The following ROBO2 variants were observed in gnomAD, a reference collection of about 807,000 sequenced individuals.
ROBO2 encodes the protein roundabout homolog 2.
ROBO2 carries 53 observed loss-of-function variants against 160.8 expected under a neutral mutation model. The observed-to-expected ratio is 0.33, with a 90% CI of 0.26 to 0.41. The LOEUF (loss-of-function observed/expected upper bound fraction) is 0.41, where lower values mean the gene tolerates loss of function less well. Among genes scored for constraint, ROBO2 ranks in the 10% least tolerant of loss-of-function variants. The pLI is 1.00. For missense variants in ROBO2, 1,577 were observed against 1,722.4 expected, an observed-to-expected ratio of 0.92 and a Z score of 1.49; for synonymous variants, 664 against 611.7, an observed-to-expected ratio of 1.09 and a Z score of -1.26.
intron 2 of ROBO2, among the ~76,000 whole-genome samples, chr3:76,372,458 G>C (rs566281842): frequency 2.6e-5 from 4 of 151,802 alleles, no homozygotes; most frequent in Non-Finnish European, 5.9e-5. Flanking sequence ...TTAACCTTTT[G>C]TTTGAAAATA....
At chr3:76,088,408 C>T (rs148211862) in intron 2 of ROBO2, among the ~76,000 whole-genome samples, 282 of 152,034 alleles carry the variant, frequency 1.9e-3, no homozygotes, top group African/African-American at 6.3e-3. Flanking sequence ...CTGACAATAG[C>T]GTATTACACA....
chr3:76,654,913 G>GTGTGTATATATATATATATA (rs536883164), intron 2 of ROBO2, among the ~76,000 whole-genome samples: 2 of 74,186 alleles, frequency 2.7e-5, no homozygotes, highest in African/African-American at 9.7e-5. Context: ...ATATGTGTGT[G>GTGTGTATATATATATATATA]TATATATATA....
At chr3:76,575,345 T>G (rs1338150499) in intron 2 of ROBO2, among the ~76,000 whole-genome samples, 1 of 152,082 alleles carries the variant, frequency 6.6e-6, no homozygotes, top group Non-Finnish European at 1.5e-5. Context: ...TTCTTTATAT[T>G]ACTAATATTT....
chr3:77,556,555 G>T (rs78233510), intron 8 of ROBO2, among the ~76,000 whole-genome samples: 2,445 of 151,854 alleles, frequency 0.016, 71 homozygotes, highest in African/African-American at 0.057. Context: ...TTAATCTTTT[G>T]TTCCCTAAAA....
Position 77,625,974 on chromosome 3 carries a change from C to A in ROBO2, c.3760+3542C>A, listed in dbSNP as rs77340498. Among the ~76,000 whole-genome samples the A allele has an allele frequency of 7.5e-3, 1,144 of 152,064 alleles. 9 individuals carry two copies. Among genetic ancestry groups the A allele is most frequent in the African/African-American group, 0.024 (978 of 41,488 alleles). On this transcript the variant is annotated intron_variant, in intron 23 of 25. Coordinates refer to ENST00000461745, the Ensembl canonical transcript of ROBO2. ...AGATTAAAAACAGAGGGTTTTAAAG[C>A]CTTTGTCCAGGTTACCCACCTGATA... is the stretch of plus-strand genomic sequence containing the variant.
intron 2 of ROBO2, among the ~76,000 whole-genome samples, chr3:76,209,544 G>A (rs376244986): frequency 1.3e-5 from 2 of 152,224 alleles, no homozygotes; most frequent in East Asian, 3.9e-4. Context: ...TAGATTTTCT[G>A]GGGAAGGTGG....
Position 76,584,536 on chromosome 3 carries a change from G to A in ROBO2, c.110-513478G>A, listed in dbSNP as rs539504651. ...GGGACGAAAATGTGAAAAGACAAGG[G>A]GAAAAGACAGCCATCCACAGCCAAA... On this transcript the variant is annotated intron_variant, in intron 2 of 26. Transcript: ENST00000487694. Among the ~76,000 whole-genome samples, 7 of 152,168 alleles carry A rather than the reference G, an allele frequency of 4.6e-5. No individual in the cohort carries two copies. In the South Asian group the frequency reaches 1.5e-3, roughly 32 times the overall value.
At chr3:76,369,776 G>T (rs1358865738) in intron 2 of ROBO2, among the ~76,000 whole-genome samples, 4 of 151,736 alleles carry the variant, frequency 2.6e-5, no homozygotes, top group African/African-American at 9.7e-5. Flanking sequence ...TATTTCCTGG[G>T]TTTTAAAACT....
chr3:76,771,761 TG>T (rs1238576733), intron 2 of ROBO2, among the ~76,000 whole-genome samples: 2 of 151,244 alleles, frequency 1.3e-5, no homozygotes, highest in East Asian at 3.9e-4. Context: ...TTTAAAACTC[TG>T]GGGAAAATAC....
At chr3:77,461,795 T>A (rs1335327479) in intron 2 of ROBO2, among the ~76,000 whole-genome samples, 2 of 151,924 alleles carry the variant, frequency 1.3e-5, no homozygotes, top group Non-Finnish European at 2.9e-5. Flanking sequence ...TGGCACTATC[T>A]TGGCTCACTG....
At chr3:77,601,251 G>T (rs2094424083) in intron 19 of ROBO2, among the ~76,000 whole-genome samples, 1 of 152,118 alleles carries the variant, frequency 6.6e-6, no homozygotes, top group South Asian at 2.1e-4. Context: ...CCCATGAAAT[G>T]AAGCTTTCAG....
chr3:76,774,164 T>C (rs370925273), intron 2 of ROBO2, among the ~76,000 whole-genome samples: 3 of 151,060 alleles, frequency 2.0e-5, no homozygotes, highest in African/African-American at 4.8e-5. Flanking sequence ...CCAATGAGTA[T>C]GTTAAATGAA....
At chr3:76,745,580 A>C (rs961167876) in intron 2 of ROBO2, among the ~76,000 whole-genome samples, 1 of 151,998 alleles carries the variant, frequency 6.6e-6, no homozygotes, top group Non-Finnish European at 1.5e-5. Flanking sequence ...ACCCAGTTCC[A>C]CTTAGAATCT....
At chr3:76,321,016 T>C (rs1022454919) in intron 2 of ROBO2, among the ~76,000 whole-genome samples, 1 of 152,204 alleles carries the variant, frequency 6.6e-6, no homozygotes, top group Non-Finnish European at 1.5e-5. Flanking sequence ...CATGCATTCA[T>C]TCAATAAATA....
At chr3:76,118,062 G>A (rs2070553359) in intron 2 of ROBO2, among the ~76,000 whole-genome samples, 2 of 152,082 alleles carry the variant, frequency 1.3e-5, no homozygotes, top group Middle Eastern at 3.2e-3. Flanking sequence ...GTTAATGGGT[G>A]CAGCACACCA....
At chr3:76,750,958 A>C (rs927781495) in intron 2 of ROBO2, among the ~76,000 whole-genome samples, 1 of 152,124 alleles carries the variant, frequency 6.6e-6, no homozygotes, top group African/African-American at 2.4e-5. Context: ...TAAAGTTCAT[A>C]TGGAACCTAA....
intron 2 of ROBO2, among the ~76,000 whole-genome samples, chr3:77,413,845 T>C (rs925129998): frequency 6.6e-6 from 1 of 152,184 alleles, no homozygotes; most frequent in Non-Finnish European, 1.5e-5. Flanking sequence ...AAGTAAAATG[T>C]GGCAGGTCAA....
chr3:76,476,779 TC>T (rs1262961811), intron 2 of ROBO2, among the ~76,000 whole-genome samples: 3 of 152,144 alleles, frequency 2.0e-5, no homozygotes, highest in African/African-American at 7.2e-5. Context: ...ACAGCCACGT[TC>T]CCATGGTATC....
chr3:76,215,254 C>T (rs1486216147), intron 2 of ROBO2, among the ~76,000 whole-genome samples: 1 of 152,148 alleles, frequency 6.6e-6, no homozygotes, highest in African/African-American at 2.4e-5. Context: ...AATCGAGCAC[C>T]TCTCCTCCTC....
Sources: allele counts gnomAD v4.1 joint callset (sites outside exome capture counted in the v4.1 genomes callset), GRCh38; gene constraint gnomAD v4.1.1; transcripts MANE v1.5; gene names NCBI Gene and HGNC (gene_info 2026-07-23, HGNC 2026-07-21).